Variants in GLOD4 observed in about 807,000 individuals in gnomAD.
The protein encoded by GLOD4 is glyoxalase domain containing 4.
A neutral mutation model predicts 39.1 loss-of-function variants in GLOD4; 44 were observed. That is an observed-to-expected ratio of 1.13 (90% CI 0.88 to 1.45). GLOD4 has a LOEUF of 1.45. Among genes scored for constraint, GLOD4 ranks in the 40% most tolerant of loss-of-function variants. GLOD4 has a pLI of 0.00. For synonymous variants in GLOD4, 145 were observed against 135.0 expected, an observed-to-expected ratio of 1.07 and a Z score of -0.52; for missense variants, 405 against 366.4, an observed-to-expected ratio of 1.11 and a Z score of -0.86.
chr17:781,814 C>A (rs539150999), intron 1 of GLOD4: 5 of 249,494 alleles, frequency 2.0e-5, no homozygotes, highest in Non-Finnish European at 3.9e-5. Flanking sequence ...GGCTCCAAAC[C>A]GGAAAACACA....
In GLOD4 at chr17:771,319, G is replaced by T. The variant is rs1907911693; in HGVS notation, c.543+6C>A. 1.3e-6 allele frequency: 2 copies of T among 1,570,798 alleles called. No homozygotes were observed. Among genetic ancestry groups the T allele is most frequent in the Non-Finnish European group, 1.7e-6 (2 of 1,158,096 alleles). On this transcript the variant is annotated splice_donor_region_variant and intron_variant, in intron 5 of 8. Coordinates refer to ENST00000301329, the MANE Select transcript of GLOD4 (RefSeq NM_016080.4). ...TAACAGGTTATTCTTCTCCAAGATT[G>T]CTCACCTGGTTATCAGCATAGCCCA...
At position 780,741 on chromosome 17, in the gene GLOD4, CAAAAAAAAA is replaced by C. The variant is rs71371577; in HGVS notation, c.90+1416_90+1424del. ...CTGGCGACAGAGCAAGACTCCACCTCAAAAAAAAAAAAAAAAAAAAAAGTCAACTCGAAT... is the reference window on the plus strand; with the variant it reads ...CTGGCGACAGAGCAAGACTCCACCTCAAAAAAAAAAAAAGTCAACTCGAAT... On this transcript the variant is annotated intron_variant, in intron 1 of 8. Transcript: ENST00000301329. 193 of 59,768 alleles carry C rather than the reference CAAAAAAAAA, an allele frequency of 3.2e-3. 1 individual carries two copies. Among genetic ancestry groups the C allele is most frequent in the African/African-American group, 9.8e-3 (151 of 15,432 alleles). 3.7% of individuals were successfully genotyped at this position (59,768 alleles called of 1,614,324 possible). A position where few individuals can be genotyped will look rare whatever the true frequency, so the allele number is the denominator to read the frequency against.
chr17:761,090 GTCGGA>G, intron 8 of GLOD4, among the ~76,000 whole-genome samples: 1 of 152,354 alleles, frequency 6.6e-6, no homozygotes, highest in South Asian at 2.1e-4. Flanking sequence ...AGCAGAGACA[GTCGGA>G]AGCTTTGAGG....
chr17:766,293 G>A (rs889703240), intron 8 of GLOD4, among the ~76,000 whole-genome samples: 3 of 151,146 alleles, frequency 2.0e-5, no homozygotes, highest in African/African-American at 4.9e-5. Context: ...GAGAGACCCC[G>A]TCTTAAAAAA....
intron 8 of GLOD4, among the ~76,000 whole-genome samples, chr17:768,062 G>A (rs1488857477): frequency 6.7e-6 from 1 of 148,778 alleles, no homozygotes; most frequent in African/African-American, 2.5e-5. Context: ...GTGAGAGAGA[G>A]AAACAGCGCG....
upstream of GLOD4, chr17:782,390 G>A (rs1311696387): frequency 6.2e-7 from 1 of 1,613,668 alleles, no homozygotes; most frequent in Non-Finnish European, 8.5e-7. Flanking sequence ...TGGCGGCGCT[G>A]GTGAGACCCG....
At chr17:772,013 C>CAAAA (rs67745456) in intron 4 of GLOD4, among the ~76,000 whole-genome samples, 4 of 50,986 alleles carry the variant, frequency 7.8e-5, no homozygotes, top group Non-Finnish European at 1.3e-4. Context: ...AACTCTGTCT[C>CAAAA]AAAAAAAAAA....
intron 4 of GLOD4, among the ~76,000 whole-genome samples, chr17:771,674 T>C (rs1423933556): frequency 6.6e-6 from 1 of 152,094 alleles, no homozygotes; most frequent in Admixed American, 6.6e-5. Flanking sequence ...TCAAGACCAA[T>C]GCAGGTAAAA....
intron 8 of GLOD4, among the ~76,000 whole-genome samples, chr17:761,585 A>G (rs1905440864): frequency 6.6e-6 from 1 of 152,122 alleles, no homozygotes; most frequent in Admixed American, 6.5e-5. Flanking sequence ...GCTCACTGCA[A>G]CCTCTGCCTT....
Position 778,747 on chromosome 17 carries a change from GGT to G in GLOD4, c.91-5_91-4del. 1 of 1,589,670 alleles carries G rather than the reference GGT, an allele frequency of 6.3e-7. No homozygotes were observed. Among genetic ancestry groups the G allele is most frequent in the Non-Finnish European group, 8.6e-7 (1 of 1,157,942 alleles). ...TCAAATTCCTCATGCCGCAGAACCT[GGT>G]GTGAGATTTAGAATAAATTGTGAAG... On this transcript the variant is annotated splice_region_variant and splice_polypyrimidine_tract_variant and intron_variant, in intron 1 of 8. Coordinates refer to ENST00000301329, the MANE Select transcript of GLOD4 (RefSeq NM_016080.4).
chr17:782,476 T>C (rs1219503185), upstream of GLOD4: 1 of 1,613,750 alleles, frequency 6.2e-7, no homozygotes, highest in South Asian at 1.1e-5. Flanking sequence ...GTCCGGGCGC[T>C]GCGGCGGAGC....
intron 8 of GLOD4, among the ~76,000 whole-genome samples, chr17:766,742 A>T (rs2144315108): frequency 6.6e-6 from 1 of 152,004 alleles, no homozygotes; most frequent in South Asian, 2.1e-4. Flanking sequence ...TCTACTAAAA[A>T]TACAAAAATT....
Position 782,157 on chromosome 17 carries a change from G to T in GLOD4, c.90+9C>A. ...TCGCGCGCCAGCCCCTGTCGGCCCC[G>T]GCCTGCACCTTCATCCCCAGGACGT... On this transcript the variant is annotated intron_variant, in intron 1 of 8. Transcript: ENST00000301329. 1 of 1,589,048 alleles carries T rather than the reference G, an allele frequency of 6.3e-7. No individual in the cohort carries two copies. Among genetic ancestry groups the T allele is most frequent in the Non-Finnish European group, 8.6e-7 (1 of 1,163,962 alleles).
At chr17:768,107 ATG>A (rs71360638) in intron 8 of GLOD4, among the ~76,000 whole-genome samples, 1 of 145,582 alleles carries the variant, frequency 6.9e-6, no homozygotes, top group African/African-American at 2.6e-5. Context: ...TCTGGAGAGG[ATG>A]TGTGAGAGAG....
chr17:783,409 C>T, upstream of GLOD4: 2 of 1,357,614 alleles, frequency 1.5e-6, no homozygotes. Context: ...CGATCTCGGC[C>T]CACTGCAACC....
Position 775,898 on chromosome 17 carries a change from G to C in GLOD4, c.283C>G (p.Gln95Glu), listed in dbSNP as rs754346225. Residue 95 changes from glutamine (Q) to glutamate (E), a missense_variant, in exon 4 of 9, where the codon CAG (glutamine) becomes GAG (glutamate). Physicochemically the swap from Gln to Glu is conservative, Grantham distance 29 (BLOSUM62 2). Transcript: ENST00000301329. ...DFMGITLASS[Q>E]AVSNARKLEW... is the part of the protein sequence containing the mutation. ...AGCTTCCTGGCGTTGCTGACAGCCT[G>C]GCTAGAAGCGAGCGTGATTCCCTAC... The C allele has an allele frequency of 1.2e-6, 2 of 1,613,390 alleles. No individual in the cohort carries two copies. The highest frequency in any genetic ancestry group is 8.5e-7 in the Non-Finnish European group (1 of 1,179,300).
intron 1 of GLOD4, 56 bp downstream of exon 1, chr17:782,110 G>A (rs760503231): frequency 5.1e-6 from 7 of 1,361,304 alleles, no homozygotes; most frequent in South Asian, 2.6e-5. Context: ...CGCCAGGGCC[G>A]GCTCGGGCGC....
chr17:772,113 C>T lies in GLOD4; in HGVS notation c.407-652G>A, dbSNP rs190921251. On this transcript the variant is annotated intron_variant, in intron 4 of 8. Coordinates refer to ENST00000301329, the MANE Select transcript of GLOD4 (RefSeq NM_016080.4). ...TGGAAGCAGGAGGATCGCTTGAGCC[C>T]GGGAGGTTGAGGCTGCAGTGAGCCA... 9.0e-4 allele frequency among the ~76,000 whole-genome samples: 130 copies of T among 143,962 alleles called. 1 individual carries two copies. The South Asian group carries it at 0.028, about 31-fold the overall frequency. 94.4% of individuals were successfully genotyped at this position (143,962 alleles called of 152,430 possible).
chr17:772,459 C>G (rs1452731315), intron 4 of GLOD4, among the ~76,000 whole-genome samples: 3 of 151,812 alleles, frequency 2.0e-5, no homozygotes, highest in Non-Finnish European at 4.4e-5. Context: ...GAAAAAACTT[C>G]TGCTACATAA....
Sources: allele counts gnomAD v4.1 joint callset (sites outside exome capture counted in the v4.1 genomes callset), GRCh38; gene constraint gnomAD v4.1.1; transcripts MANE v1.5; gene names NCBI Gene and HGNC (gene_info 2026-07-23, HGNC 2026-07-21).